SLC25A26: variants seen among roughly 807,000 people sequenced by gnomAD.
SLC25A26 encodes the protein mitochondrial S-adenosylmethionine carrier protein.
Under a neutral mutation model 37.8 loss-of-function variants are expected in SLC25A26, and 36 were observed. The ratio of observed to expected loss-of-function variants is 0.95; its 90% confidence interval spans 0.73 to 1.26. The LOEUF is 1.26. Ranked by LOEUF, SLC25A26 falls within the 50% of genes most tolerant of loss-of-function variation. The pLI is 0.00. For missense variants in SLC25A26, 390 were observed against 331.1 expected, an observed-to-expected ratio of 1.18 and a Z score of -1.38; for synonymous variants, 129 against 122.5, an observed-to-expected ratio of 1.05 and a Z score of -0.35.
chr3:66,156,878 C>T (rs146919325), intron 1 of SLC25A26, among the ~76,000 whole-genome samples: 15,043 of 152,046 alleles, frequency 0.099, 870 homozygotes, highest in Middle Eastern at 0.19. Context: ...TTAGACTTTT[C>T]CCAACAGGCT....
intron 1 of SLC25A26, among the ~76,000 whole-genome samples, chr3:66,151,770 C>T (rs1371092825): frequency 6.6e-6 from 1 of 152,152 alleles, no homozygotes; most frequent in Non-Finnish European, 1.5e-5. Context: ...GCCTCATGTA[C>T]CTCTCCAGTG....
chr3:66,264,223 G>A (rs541765981), intron 5 of SLC25A26, among the ~76,000 whole-genome samples: 2 of 150,836 alleles, frequency 1.3e-5, no homozygotes, highest in African/African-American at 2.4e-5. Context: ...AGTGAGCCAA[G>A]ATCGTGCCAC....
chr3:66,175,107 GTGTATATATATATATATA>G lies in SLC25A26; in HGVS notation c.-354+41125_-354+41142del, dbSNP rs1369018039. ...ATTATATGTATATGTATATGTGTGT[GTGTATATATATATATATA>G]TATATATATATATATACACACACAC... On this transcript the variant is annotated intron_variant, in intron 1 of 10. Transcript: ENST00000676754. 5.0e-5 allele frequency among the ~76,000 whole-genome samples: 4 copies of G among 80,554 alleles called. 1 individual carries two copies. Among genetic ancestry groups the G allele is most frequent in the African/African-American group, 1.9e-4 (4 of 20,888 alleles). 52.8% of individuals were successfully genotyped at this position (80,554 alleles called of 152,430 possible).
Position 66,202,950 on chromosome 3 carries a change from C to T in SLC25A26, c.-353-17792C>T, listed in dbSNP as rs1026089187. ...AAAACGTAAAATTATACATGTATTA[C>T]GTTGTTTTTAACTAAATGACATAGC... On this transcript the variant is annotated intron_variant, in intron 1 of 10. Coordinates refer to the SLC25A26 transcript ENST00000676754. Among the ~76,000 whole-genome samples the T allele has an allele frequency of 3.0e-4, 45 of 152,222 alleles. 1 individual carries two copies. The highest frequency in any genetic ancestry group is 7.9e-4 in the African/African-American group (33 of 41,562).
chr3:66,197,222 T>C (rs1349040329), intron 1 of SLC25A26, among the ~76,000 whole-genome samples: 1 of 152,126 alleles, frequency 6.6e-6, no homozygotes, highest in Non-Finnish European at 1.5e-5. Flanking sequence ...TATATATATA[T>C]ACATTGTGTA....
chr3:66,152,537 ACTTCCTTGATGGTGGCAAAATGATAT>A, intron 1 of SLC25A26, among the ~76,000 whole-genome samples: 1 of 151,956 alleles, frequency 6.6e-6, no homozygotes, highest in African/African-American at 2.4e-5. Flanking sequence ...TTTTTGGCTG[ACTTCCTTGATGGTGGCAAAATGATAT>A]CAGCTTTTCC....
At chr3:66,367,737 T>C (rs904512349) in intron 7 of SLC25A26, among the ~76,000 whole-genome samples, 1 of 148,428 alleles carries the variant, frequency 6.7e-6, no homozygotes, top group Non-Finnish European at 1.5e-5. Flanking sequence ...GAGAGACAGA[T>C]AGTGTTCATG....
intron 3 of SLC25A26, among the ~76,000 whole-genome samples, chr3:66,260,376 G>A (rs571481997): frequency 1.3e-5 from 2 of 152,124 alleles, no homozygotes; most frequent in Non-Finnish European, 2.9e-5. Context: ...AAATATGTTG[G>A]CCCAAGTTAC....
At chr3:66,138,750 A>T (rs1225326496) in intron 1 of SLC25A26, among the ~76,000 whole-genome samples, 1 of 152,222 alleles carries the variant, frequency 6.6e-6, no homozygotes, top group East Asian at 1.9e-4. Flanking sequence ...CACAAACCGT[A>T]TTGGGAGGTC....
intron 1 of SLC25A26, among the ~76,000 whole-genome samples, chr3:66,230,428 G>T (rs1475648871): frequency 6.6e-6 from 1 of 151,958 alleles, no homozygotes; most frequent in Non-Finnish European, 1.5e-5. Context: ...TTTTGTCAGG[G>T]GTGTGTGTGT....
At chr3:66,336,169 C>T (rs2076088889) in intron 5 of SLC25A26, among the ~76,000 whole-genome samples, 1 of 152,142 alleles carries the variant, frequency 6.6e-6, no homozygotes, top group Admixed American at 6.5e-5. Flanking sequence ...ATTAAAACAT[C>T]TTTGGTACCA....
At chr3:66,148,082 A>G (rs1432604286) in intron 1 of SLC25A26, among the ~76,000 whole-genome samples, 6 of 152,102 alleles carry the variant, frequency 3.9e-5, no homozygotes, top group Non-Finnish European at 7.4e-5. Context: ...AATTATGGCC[A>G]TTCTTGCAGG....
chr3:66,262,115 C>G lies in SLC25A26; in HGVS notation c.365C>G (p.Thr122Arg). 6.3e-7 allele frequency: 1 copy of G among 1,581,610 alleles called. No individual in the cohort carries two copies. Among genetic ancestry groups the G allele is most frequent in the Non-Finnish European group, 8.6e-7 (1 of 1,162,624 alleles). ...CAGAGGGCACAGGTATCTGCTTCTA[C>G]AAGAACATTTCAGATTTTCTCTAAC... Reference protein sequence around the residue: ...VKQRAQVSASTRTFQIFSNIL... With the variant: ...VKQRAQVSASRRTFQIFSNIL... Residue 122 changes from threonine to arginine, a missense_variant, in exon 4 of 10, where the codon ACA becomes AGA. Physicochemically the swap from Thr to Arg is moderately conservative, Grantham distance 71. Transcript: ENST00000354883.
chr3:66,336,095 G>C (rs1214589442), intron 5 of SLC25A26, among the ~76,000 whole-genome samples: 1 of 152,188 alleles, frequency 6.6e-6, no homozygotes, highest in Non-Finnish European at 1.5e-5. Flanking sequence ...AATATTAGAT[G>C]AGAACCTTTC....
intron 1 of SLC25A26, among the ~76,000 whole-genome samples, chr3:66,178,204 G>A (rs1441300052): frequency 6.6e-6 from 1 of 152,156 alleles, no homozygotes; most frequent in East Asian, 1.9e-4. Flanking sequence ...TGGAGGCCAG[G>A]TTCAGATGGC....
chr3:66,161,548 T>C (rs1473262124), intron 1 of SLC25A26, among the ~76,000 whole-genome samples: 1 of 152,210 alleles, frequency 6.6e-6, no homozygotes, highest in Non-Finnish European at 1.5e-5. Context: ...AATCTGTGAC[T>C]GCGTAGGTCT....
intron 1 of SLC25A26, among the ~76,000 whole-genome samples, chr3:66,158,497 A>ATGTTG (rs2070314194): frequency 1.3e-5 from 2 of 152,118 alleles, no homozygotes; most frequent in Non-Finnish European, 2.9e-5. Flanking sequence ...GTCATACATT[A>ATGTTG]ACTCTATGTT....
At chr3:66,367,034 A>C (rs920397577) in intron 7 of SLC25A26, among the ~76,000 whole-genome samples, 16 of 152,302 alleles carry the variant, frequency 1.1e-4, no homozygotes, top group African/African-American at 3.6e-4. Flanking sequence ...TTAGAGGATG[A>C]GTTGAAATTT....
At chr3:66,337,355 C>G in intron 5 of SLC25A26, among the ~76,000 whole-genome samples, 1 of 151,964 alleles carries the variant, frequency 6.6e-6, no homozygotes, top group Non-Finnish European at 1.5e-5. Context: ...CTGTATGATA[C>G]AGCTAGAATG....
Sources: allele counts gnomAD v4.1 joint callset (sites outside exome capture counted in the v4.1 genomes callset), GRCh38; gene constraint gnomAD v4.1.1; transcripts MANE v1.5; gene names NCBI Gene and HGNC (gene_info 2026-07-23, HGNC 2026-07-21).